The following KCND2 variants were observed in gnomAD, a reference collection of about 807,000 sequenced individuals.
The protein encoded by KCND2 is A-type voltage-gated potassium channel KCND2.
In KCND2, 16 loss-of-function variants were observed where a neutral mutation model predicts 54.4. The observed-to-expected ratio is 0.29, with a 90% CI of 0.20 to 0.45. The LOEUF (loss-of-function observed/expected upper bound fraction) is 0.45, where lower values mean the gene tolerates loss of function less well. Among genes scored for constraint, KCND2 ranks in the 20% least tolerant of loss-of-function variants. The pLI, the probability that KCND2 is intolerant of heterozygous loss-of-function variation, is 1.00. For missense variants in KCND2, 486 were observed against 824.2 expected (o/e 0.59, Z 5.02); for synonymous variants, 317 against 310.7 (o/e 1.02, Z -0.21).
At chr7:120,432,079 A>G (rs1336657977) in intron 1 of KCND2, among the ~76,000 whole-genome samples, 1 of 152,108 alleles carries the variant, frequency 6.6e-6, no homozygotes, top group East Asian at 1.9e-4. Context: ...GAACATGAAT[A>G]TTTTCACCGT....
intron 1 of KCND2, among the ~76,000 whole-genome samples, chr7:120,321,385 C>T (rs939232960): frequency 1.3e-5 from 2 of 152,098 alleles, no homozygotes; most frequent in African/African-American, 4.8e-5. Context: ...CCTCCTGCCT[C>T]AGCCTCCCAA....
At chr7:120,586,988 T>G (rs1158170053) in intron 1 of KCND2, among the ~76,000 whole-genome samples, 1 of 152,148 alleles carries the variant, frequency 6.6e-6, no homozygotes, top group Non-Finnish European at 1.5e-5. Context: ...ATTATTAAAT[T>G]AATTTTAAAT....
At chr7:120,325,949 G>T (rs1799967755) in intron 1 of KCND2, among the ~76,000 whole-genome samples, 1 of 151,970 alleles carries the variant, frequency 6.6e-6, no homozygotes, top group Non-Finnish European at 1.5e-5. Flanking sequence ...AGTGAAATTA[G>T]GTACACTGGT....
At chr7:120,460,559 T>C (rs1802269010) in intron 1 of KCND2, among the ~76,000 whole-genome samples, 1 of 84,614 alleles carries the variant, frequency 1.2e-5, no homozygotes, top group Non-Finnish European at 2.1e-5. Flanking sequence ...CACCACGGCC[T>C]TTTTTTTTTT....
At chr7:120,708,993 A>G (rs1792504497) in intron 1 of KCND2, among the ~76,000 whole-genome samples, 1 of 152,098 alleles carries the variant, frequency 6.6e-6, no homozygotes, top group East Asian at 1.9e-4. Flanking sequence ...GCCATAAGTA[A>G]GTGGCAAAAC....
intron 1 of KCND2, among the ~76,000 whole-genome samples, chr7:120,699,283 A>G (rs1272338031): frequency 6.7e-6 from 1 of 148,830 alleles, no homozygotes; most frequent in Admixed American, 6.7e-5. Flanking sequence ...CTCCATCTCA[A>G]AAAAAAAAAA....
At chr7:120,399,369 T>G (rs1285868519) in intron 1 of KCND2, among the ~76,000 whole-genome samples, 8 of 150,896 alleles carry the variant, frequency 5.3e-5, no homozygotes, top group East Asian at 3.9e-4. Flanking sequence ...GAAAAAAACA[T>G]AGAGAAAAAA....
intron 1 of KCND2, among the ~76,000 whole-genome samples, chr7:120,693,544 G>C (rs1792297643): frequency 6.6e-6 from 1 of 151,918 alleles, no homozygotes; most frequent in East Asian, 1.9e-4. Flanking sequence ...ACCAAAGAAA[G>C]GAAGGATAAA....
chr7:120,431,225 T>A (rs1801784049), intron 1 of KCND2, among the ~76,000 whole-genome samples: 1 of 152,156 alleles, frequency 6.6e-6, no homozygotes, highest in Non-Finnish European at 1.5e-5. Flanking sequence ...AGGAAGAGAA[T>A]GAGCTGGCAA....
rs77613847 is a variant in KCND2, at chr7:120,342,295, G to A, written c.1115+66548G>A. On this transcript the variant is annotated intron_variant, in intron 1 of 5. Coordinates refer to ENST00000331113, the MANE Select transcript of KCND2 (RefSeq NM_012281.3). ...TAACTCTCAGAGTTGTGAGTGATAA[G>A]TACAATGATGTATGTAAAACACCTG... is the stretch of plus-strand genomic sequence containing the variant. 3.6e-3 allele frequency among the ~76,000 whole-genome samples: 543 copies of A among 152,256 alleles called. 4 individuals are homozygous for A. The highest frequency in any genetic ancestry group is 0.013 in the African/African-American group (525 of 41,556).
At chr7:120,317,175 C>T (rs760404811) in intron 1 of KCND2, among the ~76,000 whole-genome samples, 4 of 152,070 alleles carry the variant, frequency 2.6e-5, no homozygotes, top group Non-Finnish European at 4.4e-5. Flanking sequence ...ATATATTCAA[C>T]ACTTTATTGA....
intron 1 of KCND2, among the ~76,000 whole-genome samples, chr7:120,643,834 T>A (rs1264924544): frequency 1.3e-5 from 2 of 151,452 alleles, no homozygotes; most frequent in Non-Finnish European, 2.9e-5. Flanking sequence ...AAAAATAGGA[T>A]GTTTACATGA....
At chr7:120,509,685 A>T (rs1803082878) in intron 1 of KCND2, among the ~76,000 whole-genome samples, 1 of 152,058 alleles carries the variant, frequency 6.6e-6, no homozygotes, top group Non-Finnish European at 1.5e-5. Context: ...TGAGATATTA[A>T]GTTGCTACAA....
intron 1 of KCND2, among the ~76,000 whole-genome samples, chr7:120,302,032 A>C (rs1799591408): frequency 6.6e-6 from 1 of 152,158 alleles, no homozygotes; most frequent in Non-Finnish European, 1.5e-5. Context: ...CAGACACATT[A>C]ATATTTTAAC....
chr7:120,592,377 C>A (rs539744548), intron 1 of KCND2, among the ~76,000 whole-genome samples: 19 of 152,146 alleles, frequency 1.2e-4, no homozygotes, highest in African/African-American at 4.3e-4. Context: ...TATGGTGACA[C>A]CCCATCTCTA....
intron 1 of KCND2, among the ~76,000 whole-genome samples, chr7:120,340,975 TA>T: frequency 6.6e-6 from 1 of 152,356 alleles, no homozygotes; most frequent in South Asian, 2.1e-4. Context: ...GAAAAAGAAG[TA>T]ATTCCAATGT....
At chr7:120,402,398 CATTT>C (rs1217998621) in intron 1 of KCND2, among the ~76,000 whole-genome samples, 1 of 152,110 alleles carries the variant, frequency 6.6e-6, no homozygotes, top group Non-Finnish European at 1.5e-5. Context: ...AAACGATAAA[CATTT>C]ATTTTCTGAC....
chr7:120,699,752 A>G (rs1792377497), intron 1 of KCND2, among the ~76,000 whole-genome samples: 1 of 152,242 alleles, frequency 6.6e-6, no homozygotes, highest in Admixed American at 6.5e-5. Flanking sequence ...AGAGAAGGCA[A>G]CAGTTTGACA....
chr7:120,277,890 A>C (rs1228479167), intron 1 of KCND2, among the ~76,000 whole-genome samples: 2 of 152,024 alleles, frequency 1.3e-5, no homozygotes, highest in Non-Finnish European at 2.9e-5. Flanking sequence ...CACATGTTTC[A>C]TAGGTAAGTA....
Sources: gnomAD v4.1 joint callset for allele counts (sites outside exome capture counted in the v4.1 genomes callset) on GRCh38, gnomAD v4.1.1 for gene constraint, MANE v1.5 for transcripts, NCBI Gene and HGNC (gene_info 2026-07-23, HGNC 2026-07-21) for gene names.